Variants in DNAH17 observed in about 807,000 individuals in gnomAD.
DNAH17 encodes axonemal beta dynein heavy chain 17.
A neutral mutation model predicts 485.6 loss-of-function variants in DNAH17; 376 were observed. The ratio of observed to expected loss-of-function variants is 0.77; its 90% CI spans 0.71 to 0.84. DNAH17 has a LOEUF of 0.84. Ranked by LOEUF, DNAH17 falls within the 40% of genes least tolerant of loss-of-function variation. DNAH17 has a pLI of 0.00. For synonymous variants in DNAH17, 3,031 were observed against 2,405.9 expected (o/e 1.26, Z -7.60); for missense variants, 6,370 against 5,839.3 (o/e 1.09, Z -2.96).
chr17:78,504,679 C>T (rs1320975202), intron 31 of DNAH17, among the ~76,000 whole-genome samples: 1 of 152,052 alleles, frequency 6.6e-6, no homozygotes, highest in Admixed American at 6.6e-5. Context: ...GAGGGGGCAG[C>T]CCGGAAGTTT....
In DNAH17 at chr17:78,437,855, A is replaced by G. The variant is rs867811934; in HGVS notation, c.11819T>C (p.Val3940Ala). 5 of 1,609,816 alleles carry G rather than the reference A, an allele frequency of 3.1e-6. No homozygotes were observed. The Admixed American group carries it at 8.4e-5, about 27-fold the overall frequency. ...HWVILQNIHLVARWLGTLDKK... is the reference protein window; with the variant it reads ...HWVILQNIHLAARWLGTLDKK... ...GTCCAGTGTTCCCAGCCACCGGGCC[A>G]CCAGGTGGATATTCTGCAGCCAAGA... Residue 3940 changes from valine to alanine, a missense_variant, in exon 74 of 81, where the codon GTG (valine) becomes GCG (alanine). Physicochemically the swap from Val to Ala is moderately conservative, Grantham distance 64. Coordinates refer to ENST00000389840, the MANE Select transcript of DNAH17 (RefSeq NM_173628.4).
chr17:78,546,647 C>T (rs965789780), intron 16 of DNAH17, among the ~76,000 whole-genome samples: 3 of 152,108 alleles, frequency 2.0e-5, no homozygotes, highest in Admixed American at 6.5e-5. Context: ...GATTCATGCC[C>T]GTAATCTCAG....
intron 25 of DNAH17, among the ~76,000 whole-genome samples, chr17:78,524,665 G>A (rs2091017385): frequency 6.6e-6 from 1 of 152,022 alleles, no homozygotes; most frequent in Non-Finnish European, 1.5e-5. Context: ...AGAGCACCTT[G>A]AACAGACTAA....
chr17:78,434,414 C>T (rs768001309), intron 74 of DNAH17, among the ~76,000 whole-genome samples, 194 bp from the exon 75 acceptor site: 11 of 152,194 alleles, frequency 7.2e-5, no homozygotes, highest in Non-Finnish European at 1.6e-4. Context: ...TGGCTGAGTA[C>T]GATCTTCTTG....
At chr17:78,482,903 G>T (rs1341052955) in intron 48 of DNAH17, among the ~76,000 whole-genome samples, 1 of 152,168 alleles carries the variant, frequency 6.6e-6, no homozygotes, top group Non-Finnish European at 1.5e-5. Context: ...GAATGTGGAG[G>T]CTCCTCCTTG....
At chr17:78,501,545 G>A in intron 34 of DNAH17, 197 bp downstream of exon 34, 1 of 973,074 alleles carries the variant, frequency 1.0e-6, no homozygotes, top group Non-Finnish European at 1.5e-6. Flanking sequence ...CCAATGGGCG[G>A]GCACCGCTCA....
intron 69 of DNAH17, 54 bp from the exon 70 acceptor site, chr17:78,445,734 C>T (rs572770461): frequency 1.3e-5 from 20 of 1,562,676 alleles, no homozygotes; most frequent in Non-Finnish European, 1.7e-5. Flanking sequence ...ACGTCAGCAG[C>T]CCTGAAGATG....
intron 14 of DNAH17, among the ~76,000 whole-genome samples, chr17:78,555,455 G>C (rs1232745872): frequency 8.4e-5 from 12 of 142,480 alleles, no homozygotes. Flanking sequence ...CTAATGAATG[G>C]ACCATGGACA....
chr17:78,575,909 A>G (rs193061929), intron 1 of DNAH17, among the ~76,000 whole-genome samples: 2 of 152,402 alleles, frequency 1.3e-5, no homozygotes, highest in East Asian at 3.9e-4. Flanking sequence ...TTTCAAATAA[A>G]GACAGGCTCT....
At chr17:78,432,690 C>T (rs1019503778) in intron 75 of DNAH17, among the ~76,000 whole-genome samples, 12 of 152,188 alleles carry the variant, frequency 7.9e-5, no homozygotes, top group African/African-American at 1.7e-4. Context: ...GCACGTGTGC[C>T]GTGCATGCCT....
intron 62 of DNAH17, among the ~76,000 whole-genome samples, chr17:78,456,355 G>A (rs1443568259): frequency 6.6e-6 from 1 of 152,108 alleles, no homozygotes; most frequent in African/African-American, 2.4e-5. Context: ...GCAGCCCTTA[G>A]GAATGCTGTG....
intron 72 of DNAH17, among the ~76,000 whole-genome samples, chr17:78,439,511 C>T (rs1242795979): frequency 2.0e-5 from 3 of 152,090 alleles, no homozygotes; most frequent in Non-Finnish European, 2.9e-5. Flanking sequence ...AGGAGCCACT[C>T]GTCTACAGTC....
intron 58 of DNAH17, 133 bp downstream of exon 58, chr17:78,461,411 A>G: frequency 2.0e-6 from 2 of 994,232 alleles, no homozygotes; most frequent in African/African-American, 1.7e-5. Flanking sequence ...CCACTGGTTT[A>G]GGAACCTTGT....
At position 78,475,290 on chromosome 17, in the gene DNAH17, G is replaced by GA. The variant is rs1351170072; in HGVS notation, c.8498dup (p.Asp2835ArgfsTer5). 6 of 1,613,866 alleles carry GA rather than the reference G, an allele frequency of 3.7e-6. No homozygotes were observed. The highest frequency in any genetic ancestry group is 5.1e-6 in the Non-Finnish European group (6 of 1,179,894). On this transcript the variant is annotated frameshift_variant, in exon 54 of 81. Coordinates refer to ENST00000389840, the MANE Select transcript of DNAH17 (RefSeq NM_173628.4). LOFTEE classifies it high-confidence loss of function. Reference sequence around the variant, plus strand: ...AGTAAGCTCTCACCTTGAGGTCGGGGATCCCGTAGCCCTTCTTGAGGGTGA... The same window carrying GA: ...AGTAAGCTCTCACCTTGAGGTCGGGGAATCCCGTAGCCCTTCTTGAGGGTGA...
chr17:78,472,371 G>A (rs1313552271), intron 54 of DNAH17, among the ~76,000 whole-genome samples: 3 of 150,388 alleles, frequency 2.0e-5, no homozygotes, highest in Admixed American at 6.6e-5. Context: ...TGGCGGGTGC[G>A]AGACACGCAG....
At chr17:78,560,297 C>A (rs1295264509) in intron 13 of DNAH17, among the ~76,000 whole-genome samples, 3 of 152,150 alleles carry the variant, frequency 2.0e-5, no homozygotes, top group African/African-American at 7.2e-5. Context: ...CCCTGCCTTG[C>A]CACGTGCAGA....
intron 22 of DNAH17, 139 bp downstream of exon 22, chr17:78,529,333 G>T (rs535805294): frequency 3.0e-5 from 26 of 858,388 alleles, no homozygotes; most frequent in Non-Finnish European, 4.8e-5. Flanking sequence ...GCACCTCCCT[G>T]TTCCATGGGG....
In DNAH17 at chr17:78,526,873, A is replaced by G. The variant is rs1378680536; in HGVS notation, c.3624+7T>C. ...GAAATCCCGCCACCCTGCCCCAGGT[A>G]TAATACCTCGAATTGCTGGCATTTC... On this transcript the variant is annotated splice_region_variant and intron_variant, in intron 23 of 80. Transcript: ENST00000389840. 4.5e-6 allele frequency: 7 copies of G among 1,568,926 alleles called. No homozygotes were observed. The highest frequency in any genetic ancestry group is 6.1e-6 in the Non-Finnish European group (7 of 1,156,476).
chr17:78,485,813 C>G (rs575358494), intron 46 of DNAH17, 56 bp from the exon 47 acceptor site: 10 of 1,592,212 alleles, frequency 6.3e-6, no homozygotes, highest in African/African-American at 4.0e-5. Flanking sequence ...TTCTGCCTCT[C>G]GTGGGTGTGC....
Sources: gnomAD v4.1 joint callset for allele counts (sites outside exome capture counted in the v4.1 genomes callset) on GRCh38, gnomAD v4.1.1 for gene constraint, MANE v1.5 for transcripts, NCBI Gene and HGNC (gene_info 2026-07-23, HGNC 2026-07-21) for gene names.